The following MATCAP1 variants were observed in gnomAD, a reference collection of about 807,000 sequenced individuals.
MATCAP1 encodes microtubule-associated tyrosine carboxypeptidase 1.
chr16:67,182,871 ACCAT>A, the MATCAP1 span, among the ~76,000 whole-genome samples: 18 of 152,032 alleles, frequency 1.2e-4, no homozygotes, highest in Admixed American at 2.0e-4. Context: ...AGCAGTCATC[ACCAT>A]CTGGAGTGTA....
the MATCAP1 span, chr16:67,179,120 T>G: frequency 1.7e-6 from 2 of 1,195,438 alleles, no homozygotes; most frequent in South Asian, 2.0e-5. The surrounding 1 kb of genome is among the most constrained non-coding windows in gnomAD (Gnocchi z 5.2). Flanking sequence ...TGAGGGTTCT[T>G]TCTCTGGCCG....
chr16:67,181,033 AAG>A, the MATCAP1 span, among the ~76,000 whole-genome samples: 4 of 152,166 alleles, frequency 2.6e-5, no homozygotes, highest in African/African-American at 9.7e-5. Flanking sequence ...AGCCGAAAGC[AAG>A]AGTTTTAAAC....
chr16:67,178,883 T>A, the MATCAP1 span: 1 of 474,338 alleles, frequency 2.1e-6, no homozygotes, highest in East Asian at 4.5e-5. Context: ...TCTTGAACAG[T>A]CATGCTGATG....
At chr16:67,176,806 G>A in the MATCAP1 span, 5 of 1,575,100 alleles carry the variant, frequency 3.2e-6, no homozygotes, top group Admixed American at 1.8e-5. This position sits in a 1 kb window ranked among gnomAD's most constrained non-coding sequence, Gnocchi z 4.3. Context: ...AGCCCTCAAC[G>A]GACATCAGTC....
the MATCAP1 span, chr16:67,179,617 T>C: frequency 6.4e-7 from 1 of 1,551,646 alleles, no homozygotes; most frequent in Non-Finnish European, 8.9e-7. This position sits in a 1 kb window ranked among gnomAD's most constrained non-coding sequence, Gnocchi z 5.2. Flanking sequence ...AGGGTGCAGG[T>C]GGACCCAATG....
the MATCAP1 span, among the ~76,000 whole-genome samples, chr16:67,177,753 G>A: frequency 3.3e-5 from 5 of 152,156 alleles, no homozygotes; most frequent in Non-Finnish European, 5.9e-5. Flanking sequence ...TCTTCCCCTG[G>A]CCTTCCTGAT....
At chr16:67,179,854 A>G in the MATCAP1 span, 1 of 1,614,152 alleles carries the variant, frequency 6.2e-7, no homozygotes, top group Non-Finnish European at 8.5e-7. The surrounding 1 kb of genome is among the most constrained non-coding windows in gnomAD (Gnocchi z 5.2). Flanking sequence ...ATTTGCGCAC[A>G]ATCGACCATA....
the MATCAP1 span, chr16:67,179,015 C>G: frequency 1.7e-5 from 15 of 874,750 alleles, no homozygotes; most frequent in Non-Finnish European, 2.3e-5. The surrounding 1 kb of genome is among the most constrained non-coding windows in gnomAD (Gnocchi z 5.2). Flanking sequence ...CCCTCCTAAA[C>G]CAGGTGCCAT....
At chr16:67,179,491 CA>C in the MATCAP1 span, 1 of 1,613,090 alleles carries the variant, frequency 6.2e-7, no homozygotes, top group Non-Finnish European at 8.5e-7. The surrounding 1 kb of genome is among the most constrained non-coding windows in gnomAD (Gnocchi z 5.2). Context: ...GGTTGATCGC[CA>C]ATGTGGGCCG....
chr16:67,182,923 G>T, the MATCAP1 span, among the ~76,000 whole-genome samples: 2 of 152,172 alleles, frequency 1.3e-5, no homozygotes, highest in South Asian at 4.1e-4. Context: ...AGGTATATTT[G>T]ATAGTTATCT....
the MATCAP1 span, chr16:67,177,962 G>T: frequency 6.5e-7 from 1 of 1,533,046 alleles, no homozygotes. Flanking sequence ...GAATTCTACA[G>T]CAAGGCAGGG....
the MATCAP1 span, chr16:67,177,034 G>C: frequency 7.0e-7 from 1 of 1,433,290 alleles, no homozygotes; most frequent in Non-Finnish European, 9.3e-7. Flanking sequence ...CAGGTAGCTG[G>C]TCCCAGCCCA....
chr16:67,180,274 G>A, the MATCAP1 span: 1 of 1,612,636 alleles, frequency 6.2e-7, no homozygotes, highest in African/African-American at 1.3e-5. Context: ...GCAGGCCGCA[G>A]GGTGCCCCCA....
At chr16:67,180,098 G>A in the MATCAP1 span, 1 of 1,614,220 alleles carries the variant, frequency 6.2e-7, no homozygotes, top group East Asian at 2.2e-5. Context: ...CCGTGGGCAT[G>A]GGCTCCTGGT....
chr16:67,178,753 C>T, the MATCAP1 span: 3 of 691,378 alleles, frequency 4.3e-6, no homozygotes, highest in Non-Finnish European at 2.6e-6. Context: ...ATCCGCCCCC[C>T]ACCCTACACC....
the MATCAP1 span, among the ~76,000 whole-genome samples, chr16:67,182,486 T>C: frequency 1.3e-5 from 2 of 152,238 alleles, no homozygotes; most frequent in Non-Finnish European, 2.9e-5. Context: ...ACTTCTTCCA[T>C]AAACTTTAGA....
the MATCAP1 span, chr16:67,180,572 T>A: frequency 5.2e-6 from 8 of 1,524,384 alleles, no homozygotes; most frequent in Non-Finnish European, 7.0e-6. Flanking sequence ...GGCTGGGGGG[T>A]GCCTGATCAT....
chr16:67,179,011 TA>T, the MATCAP1 span: 1 of 849,892 alleles, frequency 1.2e-6, no homozygotes, highest in Non-Finnish European at 1.6e-6. The surrounding 1 kb of genome is among the most constrained non-coding windows in gnomAD (Gnocchi z 5.2). Context: ...AGTCCCCTCC[TA>T]AACCAGGTGC....
chr16:67,179,816 T>A, the MATCAP1 span: 1 of 1,613,816 alleles, frequency 6.2e-7, no homozygotes, highest in African/African-American at 1.3e-5. The surrounding 1 kb of genome is among the most constrained non-coding windows in gnomAD (Gnocchi z 5.2). Context: ...CAAGCTCACC[T>A]CCCCAGCGCA....
Sources: gnomAD v4.1 joint callset for allele counts (sites outside exome capture counted in the v4.1 genomes callset) on GRCh38, gnomAD v4.1.1 for gene constraint, Gnocchi (gnomAD v3.1) non-coding constraint, MANE v1.5 for transcripts, NCBI Gene and HGNC (gene_info 2026-07-23, HGNC 2026-07-21) for gene names.